Variants in MTSS1 observed in about 807,000 individuals in gnomAD.
The protein encoded by MTSS1 is MTSS I-BAR domain containing 1.
Under a neutral mutation model 79.0 loss-of-function variants are expected in MTSS1, and 18 were observed. That is an observed-to-expected ratio of 0.23 (90% confidence interval 0.16 to 0.34). MTSS1 has a LOEUF of 0.34. MTSS1 is among the 10% of genes least tolerant of loss of function. MTSS1 has a pLI of 1.00. For missense variants in MTSS1, 815 were observed against 986.2 expected (o/e 0.83, Z 2.33); for synonymous variants, 341 against 368.6 (o/e 0.93, Z 0.86).
rs532018071 is a variant in MTSS1 at position 124,727,087 on chromosome 8, C to G, written c.72+797G>C. Among the ~76,000 whole-genome samples the G allele has an allele frequency of 6.6e-6, 1 of 152,020 alleles. No homozygotes were observed. The highest frequency in any genetic ancestry group is 2.4e-5 in the African/African-American group (1 of 41,510). On this transcript the variant is annotated intron_variant, in intron 1 of 13. Transcript: ENST00000518547. This position sits in a 1 kb window ranked among gnomAD's most constrained non-coding sequence, Gnocchi z 4.7. ...CAGGGTGTTGTTCCCCGCCCCCACG[C>G]GCGCGCGCGCACACACACATGCACG... is the stretch of plus-strand genomic sequence containing the variant.
chr8:124,656,243 C>T (rs1482628921), intron 3 of MTSS1, among the ~76,000 whole-genome samples: 2 of 152,280 alleles, frequency 1.3e-5, no homozygotes, highest in South Asian at 2.1e-4. Context: ...CCAACTCTTT[C>T]CTTTAGGAAG....
intron 3 of MTSS1, among the ~76,000 whole-genome samples, chr8:124,680,727 C>T (rs905016718): frequency 6.6e-6 from 1 of 152,202 alleles, no homozygotes; most frequent in Non-Finnish European, 1.5e-5. Context: ...CAACCTATTA[C>T]ATGTGTCAGA....
At chr8:124,603,097 C>T (rs181390230) in intron 3 of MTSS1, among the ~76,000 whole-genome samples, 8 of 152,322 alleles carry the variant, frequency 5.3e-5, no homozygotes, top group African/African-American at 1.9e-4. Flanking sequence ...ACCATCTCAG[C>T]TCACCACAAC....
At chr8:124,556,086 G>T (rs763424116) in intron 12 of MTSS1, 146 bp downstream of exon 12, 2 of 1,547,290 alleles carry the variant, frequency 1.3e-6, no homozygotes, top group South Asian at 2.4e-5. Context: ...TTTTCCCAGG[G>T]ACTTTGCTGT....
At position 124,727,570 on chromosome 8, in the gene MTSS1, A is replaced by C; in HGVS notation, c.72+314T>G. ...GGTCCCAGACACTTACTTCAGGGAC[A>C]GACAATGGGAAAACTTGCAGCCAGT... On this transcript the variant is annotated intron_variant, in intron 1 of 13. Coordinates refer to ENST00000518547, the MANE Select transcript of MTSS1 (RefSeq NM_014751.6). This position sits in a 1 kb window ranked among gnomAD's most constrained non-coding sequence, Gnocchi z 4.7. The C allele has an allele frequency of 1.9e-6, 1 of 527,116 alleles. No homozygotes were observed. 32.7% of individuals were successfully genotyped at this position (527,116 alleles called of 1,614,324 possible).
chr8:124,702,261 T>C (rs1183773815), intron 2 of MTSS1, among the ~76,000 whole-genome samples: 1 of 152,156 alleles, frequency 6.6e-6, no homozygotes, highest in Non-Finnish European at 1.5e-5. Flanking sequence ...TCCCACAGGA[T>C]AAAGATGAAG....
At chr8:124,725,080 A>G (rs760165936) in intron 1 of MTSS1, among the ~76,000 whole-genome samples, 18 of 152,212 alleles carry the variant, frequency 1.2e-4, no homozygotes, top group Non-Finnish European at 2.2e-4. Flanking sequence ...TAAACGGGAA[A>G]CAAACCACCA....
At chr8:124,717,307 C>T (rs559763729) in intron 1 of MTSS1, among the ~76,000 whole-genome samples, 4 of 151,516 alleles carry the variant, frequency 2.6e-5, no homozygotes, top group Admixed American at 6.6e-5. Flanking sequence ...GCCTGGCCAA[C>T]ATGACAAAAC....
intron 3 of MTSS1, among the ~76,000 whole-genome samples, chr8:124,610,925 AC>A (rs1366215685): frequency 6.6e-6 from 1 of 152,170 alleles, no homozygotes; most frequent in East Asian, 1.9e-4. Flanking sequence ...ATTCAATGCC[AC>A]CTGGAAATCC....
chr8:124,645,372 CA>C (rs1170756874), intron 3 of MTSS1, among the ~76,000 whole-genome samples: 1 of 152,076 alleles, frequency 6.6e-6, no homozygotes, highest in Non-Finnish European at 1.5e-5. Flanking sequence ...GGCAACAGAG[CA>C]AGACCTTGTC....
At chr8:124,635,744 T>C (rs564891791) in intron 3 of MTSS1, among the ~76,000 whole-genome samples, 5 of 152,292 alleles carry the variant, frequency 3.3e-5, no homozygotes, top group Non-Finnish European at 5.9e-5. Flanking sequence ...TGTCCTGAGC[T>C]GTTATTCTCT....
chr8:124,620,658 G>A (rs763123909), intron 3 of MTSS1, among the ~76,000 whole-genome samples: 5 of 152,112 alleles, frequency 3.3e-5, no homozygotes, highest in African/African-American at 7.2e-5. Context: ...TAAGTACACC[G>A]ATTTTATTGC....
chr8:124,567,680 G>C (rs558518189), intron 7 of MTSS1: 1 of 1,455,888 alleles, frequency 6.9e-7, no homozygotes, highest in African/African-American at 1.4e-5. Flanking sequence ...ACAGGAGCTG[G>C]GGACCATGGA....
chr8:124,656,667 A>T (rs1820995371), intron 3 of MTSS1, among the ~76,000 whole-genome samples: 1 of 151,516 alleles, frequency 6.6e-6, no homozygotes, highest in Admixed American at 6.6e-5. Flanking sequence ...AGTCCCAACT[A>T]CTCAGGAGGC....
chr8:124,589,273 C>T (rs983560242), intron 5 of MTSS1, among the ~76,000 whole-genome samples: 24 of 151,828 alleles, frequency 1.6e-4, no homozygotes, highest in Admixed American at 1.4e-3. Context: ...TCAAGTGATC[C>T]GCCCGCCTCG....
chr8:124,554,282 G>A (rs910164503), intron 13 of MTSS1, among the ~76,000 whole-genome samples: 3 of 152,236 alleles, frequency 2.0e-5, no homozygotes, highest in Middle Eastern at 3.4e-3. Flanking sequence ...CTGAACCACC[G>A]TACTATTGAT....
chr8:124,554,104 A>G (rs1305521956), intron 13 of MTSS1, among the ~76,000 whole-genome samples: 1 of 152,246 alleles, frequency 6.6e-6, no homozygotes, highest in African/African-American at 2.4e-5. Flanking sequence ...TCTCCCTGAT[A>G]ATTAACTGGA....
chr8:124,668,117 C>T (rs1823458552), intron 3 of MTSS1, among the ~76,000 whole-genome samples: 1 of 152,148 alleles, frequency 6.6e-6, no homozygotes, highest in Non-Finnish European at 1.5e-5. Flanking sequence ...AAGGCTTTCA[C>T]CTCCACCGCT....
chr8:124,661,178 T>G (rs1236461921), intron 3 of MTSS1, among the ~76,000 whole-genome samples: 1 of 152,202 alleles, frequency 6.6e-6, no homozygotes, highest in African/African-American at 2.4e-5. Flanking sequence ...CACCAACACA[T>G]GTAGGTTTTA....
Sources: gnomAD v4.1 joint callset for allele counts (sites outside exome capture counted in the v4.1 genomes callset) on GRCh38, gnomAD v4.1.1 for gene constraint, Gnocchi (gnomAD v3.1) non-coding constraint, MANE v1.5 for transcripts, NCBI Gene and HGNC (gene_info 2026-07-23, HGNC 2026-07-21) for gene names.